Variants in CREB5 observed in about 807,000 individuals in gnomAD.
CREB5 encodes the protein cyclic AMP-responsive element-binding protein 5.
In CREB5, 19 loss-of-function variants were observed where a neutral mutation model predicts 57.1. The observed-to-expected ratio is 0.33, with a 90% CI of 0.23 to 0.49. The LOEUF is 0.49. CREB5 is among the 20% of genes least tolerant of loss of function. The probability of loss-of-function intolerance (pLI) is 0.99; values close to 1 mark genes in which losing one functional copy is unlikely to be tolerated. For synonymous variants in CREB5, 238 were observed against 238.3 expected (o/e 1.00, Z 0.01); for missense variants, 579 against 671.6 (o/e 0.86, Z 1.52).
intron 1 of CREB5, among the ~76,000 whole-genome samples, chr7:28,346,676 G>A (rs921027699): frequency 6.6e-6 from 1 of 152,216 alleles, no homozygotes; most frequent in African/African-American, 2.4e-5. Flanking sequence ...GCAACAGGAA[G>A]CAGGTGGGAC....
At chr7:28,316,669 C>A (rs1785390327) in intron 1 of CREB5, among the ~76,000 whole-genome samples, 1 of 152,042 alleles carries the variant, frequency 6.6e-6, no homozygotes, top group African/African-American at 2.4e-5. Flanking sequence ...TCAACTAGGG[C>A]ATTTCATTTT....
chr7:28,672,741 G>A lies in CREB5; in HGVS notation c.465-46012G>A, dbSNP rs141071429. Among the ~76,000 whole-genome samples the A allele has an allele frequency of 1.8e-3, 267 of 152,240 alleles. 1 individual carries two copies. The highest frequency in any genetic ancestry group is 6.0e-3 in the African/African-American group (250 of 41,536). ...CCAGTGCTGTCATAGAAACAGCTCT[G>A]AATTACTCAGAAGGGGGTCTGGAGT... On this transcript the variant is annotated intron_variant, in intron 5 of 10. Transcript: ENST00000357727.
At chr7:28,465,852 C>T (rs766048836) in intron 1 of CREB5, among the ~76,000 whole-genome samples, 2 of 152,072 alleles carry the variant, frequency 1.3e-5, no homozygotes, top group Admixed American at 6.6e-5. Flanking sequence ...AGCCTGCTAA[C>T]GTCATACAGT....
At chr7:28,690,879 G>A (rs1801213537) in intron 5 of CREB5, among the ~76,000 whole-genome samples, 2 of 152,066 alleles carry the variant, frequency 1.3e-5, no homozygotes, top group African/African-American at 4.8e-5. Context: ...AAATCAAGCA[G>A]GTTTGAGATC....
At chr7:28,599,986 T>C (rs938531064) in intron 5 of CREB5, among the ~76,000 whole-genome samples, 1 of 152,144 alleles carries the variant, frequency 6.6e-6, no homozygotes, top group Non-Finnish European at 1.5e-5. Flanking sequence ...TTAAAAGCAA[T>C]CATGGTGACG....
At chr7:28,520,382 G>A (rs998337595) in intron 4 of CREB5, among the ~76,000 whole-genome samples, 2 of 152,178 alleles carry the variant, frequency 1.3e-5, no homozygotes, top group Non-Finnish European at 2.9e-5. Context: ...TGGGGCATGA[G>A]GTCCAAACAA....
At chr7:28,418,538 C>T (rs42723) in intron 1 of CREB5, among the ~76,000 whole-genome samples, 81,652 of 152,016 alleles carry the variant, frequency 0.54, 23,706 homozygotes, top group East Asian at 0.72. Flanking sequence ...TCCTTATCCC[C>T]TGCAGAGCCA....
intron 1 of CREB5, among the ~76,000 whole-genome samples, chr7:28,426,753 A>G (rs552589063): frequency 2.0e-5 from 3 of 150,936 alleles, no homozygotes; most frequent in South Asian, 2.1e-4. Context: ...CGTATCTTCT[A>G]TTGTGATTAT....
intron 1 of CREB5, among the ~76,000 whole-genome samples, chr7:28,365,811 C>T (rs1209861399): frequency 1.3e-5 from 2 of 152,054 alleles, no homozygotes; most frequent in African/African-American, 4.8e-5. Context: ...TTTCTTTTGG[C>T]TTACTTGTGT....
chr7:28,583,422 A>G (rs1796190734), intron 5 of CREB5, among the ~76,000 whole-genome samples: 1 of 152,180 alleles, frequency 6.6e-6, no homozygotes, highest in South Asian at 2.1e-4. Context: ...AATAACTTCT[A>G]GTATTTGGAT....
chr7:28,705,139 C>T (rs919207452), intron 5 of CREB5, among the ~76,000 whole-genome samples: 5 of 152,116 alleles, frequency 3.3e-5, no homozygotes, highest in Admixed American at 6.5e-5. Context: ...CCAAGGCAGG[C>T]GGATCACGAG....
At chr7:28,548,049 C>T (rs1033413646) in intron 4 of CREB5, among the ~76,000 whole-genome samples, 1 of 152,190 alleles carries the variant, frequency 6.6e-6, no homozygotes, top group African/African-American at 2.4e-5. Flanking sequence ...GACTTCAACA[C>T]ATTCTTCATT....
intron 5 of CREB5, among the ~76,000 whole-genome samples, chr7:28,664,828 G>C (rs1799755317): frequency 6.6e-6 from 1 of 152,154 alleles, no homozygotes; most frequent in Admixed American, 6.6e-5. Context: ...AGAGCAAAAA[G>C]GGAAGAAAAA....
At chr7:28,755,813 A>G (rs948187767) in intron 7 of CREB5, among the ~76,000 whole-genome samples, 5 of 152,128 alleles carry the variant, frequency 3.3e-5, no homozygotes, top group African/African-American at 9.7e-5. Flanking sequence ...CCAAGGACCC[A>G]ATTATTATTC....
intron 7 of CREB5, among the ~76,000 whole-genome samples, chr7:28,769,395 A>T (rs982054769): frequency 9.9e-5 from 15 of 152,254 alleles, no homozygotes; most frequent in Admixed American, 5.9e-4. Context: ...AGATATGCTA[A>T]TTATCCTGAT....
At chr7:28,775,858 G>A (rs1420211461) in intron 7 of CREB5, among the ~76,000 whole-genome samples, 2 of 151,964 alleles carry the variant, frequency 1.3e-5, no homozygotes, top group African/African-American at 4.8e-5. Context: ...CCTCTGCCTA[G>A]CACAGTTCCA....
At chr7:28,448,435 C>T (rs142268916) in intron 1 of CREB5, among the ~76,000 whole-genome samples, 2 of 152,294 alleles carry the variant, frequency 1.3e-5, no homozygotes, top group East Asian at 1.9e-4. Flanking sequence ...TGTTGGAGAG[C>T]TCAGTTTGGC....
chr7:28,410,461 G>C, upstream of CREB5: 2 of 456,710 alleles, frequency 4.4e-6, no homozygotes, highest in Non-Finnish European at 8.8e-6. Flanking sequence ...AGATGCGAAG[G>C]AAGGAACCAA....
At position 28,469,003 on chromosome 7, in the gene CREB5, A is replaced by T. The variant is rs138129903; in HGVS notation, c.4-19172A>T. 5.6e-3 allele frequency among the ~76,000 whole-genome samples: 845 copies of T among 152,088 alleles called. 7 individuals are homozygous for T. The highest frequency in any genetic ancestry group is 0.018 in the African/African-American group (766 of 41,464). On this transcript the variant is annotated intron_variant, in intron 1 of 10. Coordinates refer to ENST00000357727, the MANE Select transcript of CREB5 (RefSeq NM_182898.4). ...AGACTACATCTTTTCTTCATTTAGG[A>T]CTCCTCAACACCTAGCGTAGTTCCA...
Sources: gnomAD v4.1 joint callset for allele counts (sites outside exome capture counted in the v4.1 genomes callset) on GRCh38, gnomAD v4.1.1 for gene constraint, MANE v1.5 for transcripts, NCBI Gene and HGNC (gene_info 2026-07-23, HGNC 2026-07-21) for gene names.